SLC2A8: variants seen among roughly 807,000 people sequenced by gnomAD.
SLC2A8 encodes the protein solute carrier family 2, facilitated glucose transporter member 8.
Under a neutral mutation model 49.2 loss-of-function variants are expected in SLC2A8, and 53 were observed. The observed-to-expected ratio is 1.08, with a 90% CI of 0.86 to 1.35. SLC2A8 has a LOEUF of 1.35. SLC2A8 is among the 40% of genes most tolerant of loss of function. The probability of loss-of-function intolerance (pLI) is 0.00; values close to 1 mark genes in which losing one functional copy is unlikely to be tolerated. For synonymous variants in SLC2A8, 299 were observed against 297.0 expected (o/e 1.01, Z -0.07); for missense variants, 688 against 671.7 (o/e 1.02, Z -0.27).
rs1833195624 is a variant in SLC2A8, at chr9:127,399,638, A to G, written c.427-269A>G. 6.7e-6 allele frequency among the ~76,000 whole-genome samples: 1 copy of G among 149,114 alleles called. No individual in the cohort carries two copies. Among genetic ancestry groups the G allele is most frequent in the Admixed American group, 6.7e-5 (1 of 15,000 alleles). On this transcript the variant is annotated intron_variant, in intron 3 of 9. Transcript: ENST00000373371. This position sits in a 1 kb window ranked among gnomAD's most constrained non-coding sequence, Gnocchi z 4.2. ...CTCTTGTTGCCCAGGCTGGAGTGCA[A>G]TGGTGGGATCTTGGCTCACCGCAAC...
chr9:127,404,127 AC>A, intron 7 of SLC2A8, 60 bp downstream of exon 7: 1 of 1,165,286 alleles, frequency 8.6e-7, no homozygotes, highest in Non-Finnish European at 1.3e-6. Flanking sequence ...CGCCAAGGCC[AC>A]CACACTGCAG....
Position 127,399,836 on chromosome 9 carries a change from C to A in SLC2A8, c.427-71C>A, listed in dbSNP as rs1726615405. 1 of 1,352,826 alleles carries A rather than the reference C, an allele frequency of 7.4e-7. No individual in the cohort carries two copies. Among genetic ancestry groups the A allele is most frequent in the African/African-American group, 1.4e-5 (1 of 69,624 alleles). 83.8% of individuals were successfully genotyped at this position (1,352,826 alleles called of 1,614,324 possible). ...CCTCTGGTGATCTGCCCGCCTCGGC[C>A]TCCCAGAGTGCTGGGATTGCAGGCA... On this transcript the variant is annotated intron_variant, in intron 3 of 9. Coordinates refer to ENST00000373371, the MANE Select transcript of SLC2A8 (RefSeq NM_014580.5). This position sits in a 1 kb window ranked among gnomAD's most constrained non-coding sequence, Gnocchi z 4.2.
chr9:127,402,347 T>A, intron 4 of SLC2A8: 3 of 645,034 alleles, frequency 4.7e-6, no homozygotes, highest in Non-Finnish European at 7.4e-6. Flanking sequence ...CGCGTTGTCA[T>A]ACCCACTGTC....
chr9:127,398,825 T>A (rs1290224333), intron 3 of SLC2A8, among the ~76,000 whole-genome samples: 3 of 152,208 alleles, frequency 2.0e-5, no homozygotes, highest in Admixed American at 6.5e-5. Flanking sequence ...TGTAGAGGAC[T>A]GGATCCTGAC....
rs751083679 is a variant in SLC2A8 at position 127,398,131 on chromosome 9, A to C, written c.426+20A>C. On this transcript the variant is annotated intron_variant, in intron 3 of 9. Transcript: ENST00000373371. Reference sequence around the variant, plus strand: ...GCCCCGGTGAGTGTCCCGTCTCTCGAGTGTCCTGTCTCGCGGCCTGAGACC... The same window carrying C: ...GCCCCGGTGAGTGTCCCGTCTCTCGCGTGTCCTGTCTCGCGGCCTGAGACC... The C allele has an allele frequency of 1.2e-5, 19 of 1,565,934 alleles. No individual in the cohort carries two copies. The highest frequency in any genetic ancestry group is 1.6e-5 in the Non-Finnish European group (19 of 1,158,194).
intron 4 of SLC2A8, among the ~76,000 whole-genome samples, chr9:127,400,447 C>T (rs553398603): frequency 3.3e-5 from 5 of 152,026 alleles, no homozygotes; most frequent in African/African-American, 1.2e-4. Flanking sequence ...TGTGAGCCAC[C>T]GCGCCCGGCC....
Position 127,407,438 on chromosome 9 carries a change from C to G in SLC2A8, c.*189C>G. ...AGGCTCACTGCCTCCTGTTCCAGCT[C>G]CTGCTGCTGCTCTGAGGACTCAGGA... On this transcript the variant is annotated 3_prime_UTR_variant, in exon 10 of 10. Transcript: ENST00000373371. The G allele has an allele frequency of 2.7e-6, 2 of 744,824 alleles. No homozygotes were observed. Among genetic ancestry groups the G allele is most frequent in the Non-Finnish European group, 4.8e-6 (2 of 414,594 alleles). 46.1% of individuals were successfully genotyped at this position (744,824 alleles called of 1,614,324 possible). A position where few individuals can be genotyped will look rare whatever the true frequency, so the allele number is the denominator to read the frequency against.
chr9:127,404,903 C>T lies in SLC2A8; in HGVS notation c.1062C>T (p.Ala354=). The part of the protein sequence containing the change: ...QGGPGNSSHV[A]ISAPVSAQPV... The stretch of plus-strand genomic sequence containing the variant: ...GCCCTGGCAACTCCTCGCACGTGGC[C>T]ATCTCGGCGCCTGTCTCTGCACAGC... Residue 354 remains alanine, a synonymous_variant, in exon 8 of 10, where the codon GCC becomes GCT. Transcript: ENST00000373371. The T allele has an allele frequency of 6.2e-7, 1 of 1,612,722 alleles. No homozygotes were observed. The highest frequency in any genetic ancestry group is 2.2e-5 in the East Asian group (1 of 44,878).
intron 2 of SLC2A8, 118 bp downstream of exon 2, chr9:127,397,656 A>C (rs116081315): frequency 1.6e-6 from 2 of 1,264,620 alleles, no homozygotes; most frequent in Middle Eastern, 2.9e-4. Flanking sequence ...CCCCGCCGCC[A>C]CCACCTTTCC....
intron 7 of SLC2A8, 98 bp from the exon 8 acceptor site, chr9:127,404,720 G>A (rs1779593068): frequency 1.5e-6 from 2 of 1,363,690 alleles, no homozygotes; most frequent in Admixed American, 2.2e-5. Flanking sequence ...CCGTTCTCTG[G>A]GAGCCGGGCC....
intron 4 of SLC2A8, among the ~76,000 whole-genome samples, chr9:127,400,609 G>A (rs1268213106): frequency 6.6e-6 from 1 of 152,192 alleles, no homozygotes. Flanking sequence ...CCAGAGGTGG[G>A]TGGGTCCCTG....
chr9:127,402,587 TGCTGG>T lies in SLC2A8; in HGVS notation c.562_566del (p.Gly188ArgfsTer51). ...GTGCTGGAGTGGCGCTGGCTGGCTG[TGCTGG>T]GCTGCGTGCCCCCCTCCCTCATGCT... On this transcript the variant is annotated frameshift_variant, in exon 5 of 10. Transcript: ENST00000373371. LOFTEE classifies it high-confidence loss of function. 1.3e-6 allele frequency: 2 copies of T among 1,586,714 alleles called. No homozygotes were observed. Among genetic ancestry groups the T allele is most frequent in the Non-Finnish European group, 1.7e-6 (2 of 1,170,052 alleles).
At chr9:127,400,085 G>A in intron 4 of SLC2A8, 79 bp downstream of exon 4, 1 of 1,285,140 alleles carries the variant, frequency 7.8e-7, no homozygotes, top group East Asian at 2.4e-5. Context: ...GGTTCAGTGA[G>A]GTCAAGGGAC....
Position 127,398,223 on chromosome 9 carries a change from G to C in SLC2A8, c.426+112G>C. 2.6e-6 allele frequency: 3 copies of C among 1,158,380 alleles called. No homozygotes were observed. In the South Asian group the frequency reaches 3.7e-5, roughly 14 times the overall value. The allele number at this position is 1,158,380 out of a possible 1,614,324, so 71.8% of individuals were successfully genotyped here. A position where few individuals can be genotyped will look rare whatever the true frequency, so the allele number is the denominator to read the frequency against. ...GGCTCCCCCTGGCGGGACCTTCTGGGTGCCAGGCTTGAAGTCCCTGCGTTA... is the reference window on the plus strand; with the variant it reads ...GGCTCCCCCTGGCGGGACCTTCTGGCTGCCAGGCTTGAAGTCCCTGCGTTA... On this transcript the variant is annotated intron_variant, in intron 3 of 9. Transcript: ENST00000373371.
chr9:127,397,381 C>A lies in SLC2A8; in HGVS notation c.62C>A (p.Pro21His). 4 of 1,467,010 alleles carry A rather than the reference C, an allele frequency of 2.7e-6. No individual in the cohort carries two copies. Among genetic ancestry groups the A allele is most frequent in the Non-Finnish European group, 2.7e-6 (3 of 1,118,106 alleles). 90.9% of individuals were successfully genotyped at this position (1,467,010 alleles called of 1,614,324 possible). The change falls in exon 2 of 10, where the codon CCC becomes CAC. Residue 21 changes from proline to histidine, a missense_variant. Physicochemically the swap from Pro to His is moderately conservative, Grantham distance 77. Transcript: ENST00000373371. ...CCTCGGCCCTGTCCCCCCAGCGCGCCCCGCGGCCGCCGCGTCTTCCTCGCC... is the reference window on the plus strand; with the variant it reads ...CCTCGGCCCTGTCCCCCCAGCGCGCACCGCGGCCGCCGCGTCTTCCTCGCC... Reference protein sequence around the residue: ...PLLGPPGGSAPRGRRVFLAAF... With the variant: ...PLLGPPGGSAHRGRRVFLAAF...
At position 127,399,484 on chromosome 9, in the gene SLC2A8, C is replaced by A. The variant is rs1224391004; in HGVS notation, c.427-423C>A. Among the ~76,000 whole-genome samples the A allele has an allele frequency of 6.6e-6, 1 of 152,086 alleles. No individual in the cohort carries two copies. Among genetic ancestry groups the A allele is most frequent in the Non-Finnish European group, 1.5e-5 (1 of 68,022 alleles). ...TAAGGGGCTTCAGGGCCTGCCGTAA[C>A]CCCCTGCAAGGACTTTCCTCAGCTC... On this transcript the variant is annotated intron_variant, in intron 3 of 9. Coordinates refer to ENST00000373371, the MANE Select transcript of SLC2A8 (RefSeq NM_014580.5). This position sits in a 1 kb window ranked among gnomAD's most constrained non-coding sequence, Gnocchi z 4.2.
chr9:127,397,356 C>G lies in SLC2A8; in HGVS notation c.57-20C>G. ...GCCCCTCCGCGTCCGCTCCGCTCAC[C>G]CTCGGCCCTGTCCCCCCAGCGCGCC... On this transcript the variant is annotated intron_variant, in intron 1 of 9. Transcript: ENST00000373371. 3 of 1,445,574 alleles carry G rather than the reference C, an allele frequency of 2.1e-6. No individual in the cohort carries two copies. The South Asian group carries it at 4.2e-5, about 20-fold the overall frequency. 89.5% of individuals were successfully genotyped at this position (1,445,574 alleles called of 1,614,324 possible).
At chr9:127,405,029 G>A in intron 8 of SLC2A8, 38 bp downstream of exon 8, 7 of 1,576,088 alleles carry the variant, frequency 4.4e-6, no homozygotes, top group Non-Finnish European at 4.3e-6. Flanking sequence ...AGGAGTGGGA[G>A]GTGATCCCCC....
intron 7 of SLC2A8, chr9:127,404,534 C>T (rs1344848805): frequency 7.1e-6 from 3 of 421,638 alleles, no homozygotes; most frequent in South Asian, 7.7e-5. Flanking sequence ...GCAGCTGCTG[C>T]GAAGACGACC....
Sources: gnomAD v4.1 joint callset for allele counts (sites outside exome capture counted in the v4.1 genomes callset) on GRCh38, gnomAD v4.1.1 for gene constraint, Gnocchi (gnomAD v3.1) non-coding constraint, MANE v1.5 for transcripts, NCBI Gene and HGNC (gene_info 2026-07-23, HGNC 2026-07-21) for gene names.